Variants in SPAG16 observed in about 807,000 individuals in gnomAD.
SPAG16 encodes the protein sperm associated antigen 16, also known as sperm-associated antigen 16 protein.
Under a neutral mutation model 80.4 loss-of-function variants are expected in SPAG16, and 86 were observed. The observed-to-expected ratio is 1.07, with a 90% confidence interval of 0.90 to 1.28. The LOEUF (loss-of-function observed/expected upper bound fraction) is 1.28, where lower values mean the gene tolerates loss of function less well. SPAG16 is among the 50% of genes most tolerant of loss of function. SPAG16 has a pLI of 0.00. For missense variants in SPAG16, 870 were observed against 765.3 expected, an observed-to-expected ratio of 1.14 and a Z score of -1.61; for synonymous variants, 294 against 265.9, an observed-to-expected ratio of 1.11 and a Z score of -1.03.
At chr2:214,023,570 C>G (rs541364559) in intron 13 of SPAG16, among the ~76,000 whole-genome samples, 3 of 151,822 alleles carry the variant, frequency 2.0e-5, no homozygotes, top group South Asian at 2.1e-4. Context: ...GGTAGAAAAG[C>G]ATTTTACTCA....
chr2:214,004,525 T>C (rs1470342251), intron 12 of SPAG16, among the ~76,000 whole-genome samples: 1 of 152,132 alleles, frequency 6.6e-6, no homozygotes, highest in Non-Finnish European at 1.5e-5. Flanking sequence ...GGATCCACAA[T>C]TGTAAGACCT....
intron 7 of SPAG16, among the ~76,000 whole-genome samples, chr2:213,361,378 G>GTGTGTGTGTA (rs753903147): frequency 6.8e-6 from 1 of 147,106 alleles, no homozygotes; most frequent in South Asian, 2.1e-4. Context: ...GTGTGTGTGT[G>GTGTGTGTGTA]TATATATATA....
chr2:214,302,912 A>T (rs1310514902), intron 15 of SPAG16, among the ~76,000 whole-genome samples: 1 of 152,154 alleles, frequency 6.6e-6, no homozygotes, highest in African/African-American at 2.4e-5. Flanking sequence ...CTGTTGGTTT[A>T]ATCTCTCTTA....
intron 11 of SPAG16, among the ~76,000 whole-genome samples, chr2:213,892,637 T>A (rs1048177896): frequency 2.0e-5 from 3 of 151,822 alleles, no homozygotes; most frequent in African/African-American, 7.3e-5. Flanking sequence ...CACACAGAAA[T>A]CGTAGAGCTG....
chr2:213,296,916 T>G lies in SPAG16; in HGVS notation c.184-346T>G, dbSNP rs547791581. 5 of 421,792 alleles carry G rather than the reference T, an allele frequency of 1.2e-5. No homozygotes were observed. The Admixed American group carries it at 1.4e-4, about 12-fold the overall frequency. 26.1% of individuals were successfully genotyped at this position (421,792 alleles called of 1,614,324 possible). A position where few individuals can be genotyped will look rare whatever the true frequency, so the allele number is the denominator to read the frequency against. On this transcript the variant is annotated intron_variant, in intron 2 of 15. Coordinates refer to ENST00000331683, the MANE Select transcript of SPAG16 (RefSeq NM_024532.5). ...AGAGATTTTCAGTTGCTAGTAGTTC[T>G]GAAAAAGTGATGGTGGAAAGCACTT...
chr2:213,679,011 G>T (rs2064243380), intron 10 of SPAG16, among the ~76,000 whole-genome samples: 1 of 152,052 alleles, frequency 6.6e-6, no homozygotes, highest in African/African-American at 2.4e-5. Context: ...TCCTTTTCTT[G>T]GTTCCTGGTT....
intron 10 of SPAG16, among the ~76,000 whole-genome samples, chr2:213,811,576 C>G (rs1340914815): frequency 6.6e-6 from 1 of 152,182 alleles, no homozygotes; most frequent in East Asian, 1.9e-4. Flanking sequence ...TTCTATACCC[C>G]TGTACATTTC....
intron 10 of SPAG16, among the ~76,000 whole-genome samples, chr2:213,783,189 T>A (rs1335348291): frequency 6.6e-6 from 1 of 151,510 alleles, no homozygotes; most frequent in Non-Finnish European, 1.5e-5. Context: ...AGAATGATGG[T>A]TTCCAATTTC....
chr2:213,527,514 T>C (rs572504466), intron 10 of SPAG16, among the ~76,000 whole-genome samples: 192 of 152,308 alleles, frequency 1.3e-3, no homozygotes, highest in Admixed American at 3.5e-3. Context: ...AATCACAACT[T>C]CTGATCAATA....
intron 15 of SPAG16, among the ~76,000 whole-genome samples, chr2:214,358,943 A>G (rs1230227361): frequency 6.6e-6 from 1 of 151,790 alleles, no homozygotes; most frequent in Non-Finnish European, 1.5e-5. Flanking sequence ...ATTGATATTA[A>G]TTTGCTACCT....
intron 12 of SPAG16, among the ~76,000 whole-genome samples, chr2:214,007,343 C>T (rs1253003983): frequency 1.3e-5 from 2 of 151,668 alleles, no homozygotes; most frequent in East Asian, 3.9e-4. Flanking sequence ...TGCCTGCAAT[C>T]CCAGCATTTT....
At chr2:213,344,382 T>G (rs140499204) in intron 6 of SPAG16, among the ~76,000 whole-genome samples, 126 of 152,208 alleles carry the variant, frequency 8.3e-4, no homozygotes, top group Middle Eastern at 3.4e-3. Flanking sequence ...TGGAGTTTTT[T>G]TCTTTTTTTT....
intron 10 of SPAG16, among the ~76,000 whole-genome samples, chr2:213,500,196 A>T (rs574733356): frequency 1.6e-4 from 25 of 152,320 alleles, no homozygotes; most frequent in African/African-American, 5.3e-4. Context: ...AGTAACAAAT[A>T]TAAATTTAGA....
intron 15 of SPAG16, among the ~76,000 whole-genome samples, chr2:214,390,658 A>G (rs541453469): frequency 5.3e-5 from 8 of 152,076 alleles, no homozygotes; most frequent in South Asian, 4.2e-4. Flanking sequence ...CACACTCCCA[A>G]TGGAGTGGGA....
chr2:213,500,182 A>G (rs541742095), intron 10 of SPAG16, among the ~76,000 whole-genome samples: 6 of 152,116 alleles, frequency 3.9e-5, no homozygotes, highest in Non-Finnish European at 7.4e-5. Context: ...TCATGGGGAA[A>G]CTCAGTAACA....
intron 10 of SPAG16, among the ~76,000 whole-genome samples, chr2:213,666,882 T>C (rs1195517888): frequency 6.6e-6 from 1 of 152,160 alleles, no homozygotes; most frequent in Non-Finnish European, 1.5e-5. Context: ...TCTAAAACAT[T>C]CTAAATATTC....
intron 11 of SPAG16, among the ~76,000 whole-genome samples, chr2:213,888,672 A>G (rs1051330984): frequency 1.3e-5 from 2 of 151,960 alleles, no homozygotes; most frequent in Non-Finnish European, 2.9e-5. Flanking sequence ...TCTAAGGCAA[A>G]GAATTTACTC....
chr2:213,743,195 G>A (rs1008328153), intron 10 of SPAG16, among the ~76,000 whole-genome samples: 5 of 152,174 alleles, frequency 3.3e-5, no homozygotes, highest in African/African-American at 7.2e-5. Flanking sequence ...GAGCCACCGC[G>A]CCCGGCTGTA....
intron 11 of SPAG16, among the ~76,000 whole-genome samples, chr2:213,869,263 A>AAAAAAT (rs1559538016): frequency 1.4e-3 from 33 of 24,354 alleles, no homozygotes; most frequent in Middle Eastern, 0.021. Flanking sequence ...CAAAAAAAAA[A>AAAAAAT]AATATATATA....
Sources: allele counts gnomAD v4.1 joint callset (sites outside exome capture counted in the v4.1 genomes callset), GRCh38; gene constraint gnomAD v4.1.1; transcripts MANE v1.5; gene names NCBI Gene and HGNC (gene_info 2026-07-23, HGNC 2026-07-21).